Variants in TNC observed in about 807,000 individuals in gnomAD.
TNC encodes the protein tenascin.
A neutral mutation model predicts 202.4 loss-of-function variants in TNC; 109 were observed. The observed-to-expected ratio is 0.54, with a 90% CI of 0.46 to 0.63. TNC has a LOEUF of 0.63. Ranked by LOEUF, TNC falls within the 30% of genes least tolerant of loss-of-function variation. The pLI is 0.00. For synonymous variants in TNC, 1,007 were observed against 1,089.7 expected (o/e 0.92, Z 1.50); for missense variants, 2,756 against 2,833.3 (o/e 0.97, Z 0.62).
chr9:115,098,055 C>T (rs534513950), intron 1 of TNC, among the ~76,000 whole-genome samples: 17 of 152,162 alleles, frequency 1.1e-4, no homozygotes, highest in East Asian at 1.9e-4. Context: ...GGCCCCAGCC[C>T]GCTACAAAAA....
chr9:115,111,231 C>G (rs1588244779), intron 1 of TNC, among the ~76,000 whole-genome samples: 1 of 152,182 alleles, frequency 6.6e-6, no homozygotes, highest in Middle Eastern at 3.4e-3. Flanking sequence ...TTGATACTGC[C>G]TCCCGGCATT....
intron 20 of TNC, among the ~76,000 whole-genome samples, chr9:115,036,999 C>T (rs1830382685): frequency 1.3e-5 from 2 of 152,220 alleles, no homozygotes; most frequent in African/African-American, 4.8e-5. Context: ...TCTACAATCT[C>T]CATGGTTCCC....
intron 10 of TNC, among the ~76,000 whole-genome samples, chr9:115,072,879 TA>T (rs1264296177): frequency 6.6e-6 from 1 of 152,196 alleles, no homozygotes; most frequent in African/African-American, 2.4e-5. Flanking sequence ...TTATTTTTCA[TA>T]AAGGAAGAAA....
intron 1 of TNC, among the ~76,000 whole-genome samples, chr9:115,107,761 A>T (rs2134217962): frequency 6.6e-6 from 1 of 152,300 alleles, no homozygotes; most frequent in Non-Finnish European, 1.5e-5. Context: ...TAAGGTAAAA[A>T]CTTAAATTTT....
intron 19 of TNC, among the ~76,000 whole-genome samples, chr9:115,039,232 T>G (rs1030494772): frequency 2.0e-5 from 3 of 152,186 alleles, no homozygotes; most frequent in African/African-American, 4.8e-5. Flanking sequence ...TACCATGGCT[T>G]CTCTGCCTGG....
intron 6 of TNC, among the ~76,000 whole-genome samples, chr9:115,080,848 A>G (rs1250018): frequency 1 from 151,258 of 151,660 alleles, 75,431 homozygotes; most frequent in Middle Eastern, 1. Flanking sequence ...GGAGGCAGAG[A>G]TTGCAGTGAA....
At chr9:115,079,538 T>G (rs555662564) in intron 6 of TNC, among the ~76,000 whole-genome samples, 1 of 152,300 alleles carries the variant, frequency 6.6e-6, no homozygotes, top group Admixed American at 6.5e-5. Flanking sequence ...GAAGTTGGGT[T>G]TCCGTCAAGG....
intron 15 of TNC, among the ~76,000 whole-genome samples, chr9:115,051,931 C>T (rs1296049785): frequency 1.3e-5 from 2 of 151,876 alleles, no homozygotes; most frequent in Admixed American, 6.6e-5. Flanking sequence ...TTTCTCTTTA[C>T]TTAGAAGTTT....
intron 2 of TNC, among the ~76,000 whole-genome samples, chr9:115,088,708 A>G (rs1208467452): frequency 1.3e-5 from 2 of 151,974 alleles, no homozygotes; most frequent in African/African-American, 4.8e-5. Context: ...TTTTAAAAAA[A>G]GCTGATTTGT....
intron 8 of TNC, 83 bp from the exon 9 acceptor site, chr9:115,076,204 C>G: frequency 6.8e-7 from 1 of 1,464,090 alleles, no homozygotes; most frequent in Non-Finnish European, 9.6e-7. Context: ...TTGAGTTGGT[C>G]TCTGGAGGCT....
chr9:115,068,792 T>TA (rs1833140878), intron 10 of TNC, among the ~76,000 whole-genome samples: 1 of 152,216 alleles, frequency 6.6e-6, no homozygotes, highest in African/African-American at 2.4e-5. Flanking sequence ...GTCATTACTC[T>TA]TTCTCCACTT....
chr9:115,023,856 T>C lies in TNC; in HGVS notation c.6495+117A>G, dbSNP rs1829272885. 4 of 1,216,708 alleles carry C rather than the reference T, an allele frequency of 3.3e-6. No individual in the cohort carries two copies. The East Asian group carries it at 9.4e-5, about 29-fold the overall frequency. 75.4% of individuals were successfully genotyped at this position (1,216,708 alleles called of 1,614,324 possible). On this transcript the variant is annotated intron_variant, in intron 27 of 27. Coordinates refer to ENST00000350763, the MANE Select transcript of TNC (RefSeq NM_002160.4). ...CTGCCTTGGGAAAAACATGTTGTCA[T>C]ACAAGTAAGGTTCCTGCCTCCTAGT...
At chr9:115,089,550 G>T (rs1835056566) in intron 2 of TNC, among the ~76,000 whole-genome samples, 1 of 151,924 alleles carries the variant, frequency 6.6e-6, no homozygotes, top group South Asian at 2.1e-4. Flanking sequence ...ACTCAGGCTG[G>T]AGTGCAATGG....
At chr9:115,105,005 C>G (rs983101464) in intron 1 of TNC, among the ~76,000 whole-genome samples, 8 of 152,196 alleles carry the variant, frequency 5.3e-5, no homozygotes, top group African/African-American at 1.9e-4. Context: ...CTTTGGAAAT[C>G]TTTCCCGATC....
At chr9:115,052,927 A>T (rs954835174) in intron 15 of TNC, 1 of 702,770 alleles carries the variant, frequency 1.4e-6, no homozygotes. Context: ...CAATCTTTGC[A>T]AAAAGCCCAG....
At chr9:115,077,365 G>A (rs1369219882) in intron 7 of TNC, among the ~76,000 whole-genome samples, 1 of 151,986 alleles carries the variant, frequency 6.6e-6, no homozygotes, top group Non-Finnish European at 1.5e-5. Context: ...CCCAATTTTT[G>A]TACTTTTAGT....
At chr9:115,073,150 A>G (rs549848656) in intron 10 of TNC, among the ~76,000 whole-genome samples, 11 of 152,352 alleles carry the variant, frequency 7.2e-5, no homozygotes, top group African/African-American at 1.7e-4. Context: ...GACCTGGAAT[A>G]AAAACAGTTT....
intron 20 of TNC, among the ~76,000 whole-genome samples, chr9:115,037,387 T>C (rs910142694): frequency 6.6e-6 from 1 of 152,200 alleles, no homozygotes; most frequent in Admixed American, 6.5e-5. Context: ...CTTTCTCCAG[T>C]CTCTTACTTA....
intron 10 of TNC, among the ~76,000 whole-genome samples, chr9:115,071,214 G>A (rs149638213): frequency 1.7e-3 from 265 of 152,314 alleles, no homozygotes; most frequent in African/African-American, 6.0e-3. Flanking sequence ...GGAAAGAAGC[G>A]TCTGCTTCAC....
Sources: gnomAD v4.1 joint callset for allele counts (sites outside exome capture counted in the v4.1 genomes callset) on GRCh38, gnomAD v4.1.1 for gene constraint, MANE v1.5 for transcripts, NCBI Gene and HGNC (gene_info 2026-07-23, HGNC 2026-07-21) for gene names.